Variants in TNFSF4 observed in about 807,000 individuals in gnomAD.
TNFSF4 encodes the protein tumor necrosis factor ligand superfamily member 4.
TNFSF4 carries 4 observed loss-of-function variants against 7.3 expected under a neutral mutation model. The ratio of observed to expected loss-of-function variants is 0.55; its 90% CI spans 0.27 to 1.25. The LOEUF is 1.25. Ranked by LOEUF, TNFSF4 falls within the 50% of genes most tolerant of loss-of-function variation. TNFSF4 has a pLI of 0.12. For missense variants in TNFSF4, 181 were observed against 208.8 expected, an observed-to-expected ratio of 0.87 and a Z score of 0.82; for synonymous variants, 76 against 83.7, an observed-to-expected ratio of 0.91 and a Z score of 0.50.
chr1:173,349,389 C>T, the TNFSF4 span, among the ~76,000 whole-genome samples: 1 of 152,154 alleles, frequency 6.6e-6, no homozygotes, highest in South Asian at 2.1e-4. Context: ...CATCAGAAAT[C>T]CATTGAAGTC....
the TNFSF4 span, among the ~76,000 whole-genome samples, chr1:173,221,108 C>A: frequency 6.6e-6 from 1 of 151,998 alleles, no homozygotes; most frequent in Admixed American, 6.6e-5. Context: ...AGTCTGAAAG[C>A]CTAAGACAAA....
At chr1:173,413,708 C>T in the TNFSF4 span, among the ~76,000 whole-genome samples, 29 of 152,210 alleles carry the variant, frequency 1.9e-4, no homozygotes, top group African/African-American at 6.5e-4. Context: ...GGCCCTTTTG[C>T]CAGCTGGCAG....
chr1:173,383,685 A>AT, the TNFSF4 span, among the ~76,000 whole-genome samples: 394 of 151,040 alleles, frequency 2.6e-3, 5 homozygotes, highest in African/African-American at 8.2e-3. Flanking sequence ...CATACTGTAG[A>AT]TTTTTTTTTT....
At chr1:173,357,884 A>G in the TNFSF4 span, among the ~76,000 whole-genome samples, 1 of 152,184 alleles carries the variant, frequency 6.6e-6, no homozygotes, top group African/African-American at 2.4e-5. Flanking sequence ...AAATAAGAAT[A>G]ACACACACTA....
the TNFSF4 span, among the ~76,000 whole-genome samples, chr1:173,419,158 T>G: frequency 2.0e-5 from 3 of 151,826 alleles, no homozygotes; most frequent in Non-Finnish European, 4.4e-5. Flanking sequence ...GCTAACACGG[T>G]GAAACCCCAT....
At chr1:173,260,414 T>C in the TNFSF4 span, among the ~76,000 whole-genome samples, 1 of 152,094 alleles carries the variant, frequency 6.6e-6, no homozygotes, top group Non-Finnish European at 1.5e-5. Flanking sequence ...CCAATGACAC[T>C]ATGAAAAAAC....
At chr1:173,240,566 A>T in the TNFSF4 span, among the ~76,000 whole-genome samples, 2 of 152,114 alleles carry the variant, frequency 1.3e-5, no homozygotes, top group Non-Finnish European at 2.9e-5. Context: ...TGATCATACA[A>T]TCACACTTTA....
chr1:173,293,497 C>A, the TNFSF4 span, among the ~76,000 whole-genome samples: 242 of 152,152 alleles, frequency 1.6e-3, no homozygotes, highest in African/African-American at 5.3e-3. Flanking sequence ...AAATTTAAGA[C>A]CTGAAACTCT....
At chr1:173,259,454 C>T in the TNFSF4 span, among the ~76,000 whole-genome samples, 42 of 152,272 alleles carry the variant, frequency 2.8e-4, no homozygotes, top group East Asian at 9.7e-4. Context: ...ATGATCACAA[C>T]GCCTCTCCAG....
chr1:173,259,840 T>C, the TNFSF4 span, among the ~76,000 whole-genome samples: 1 of 152,092 alleles, frequency 6.6e-6, no homozygotes, highest in Non-Finnish European at 1.5e-5. Context: ...AACTAGGGGA[T>C]TATGTAAAAA....
chr1:173,388,213 C>A, the TNFSF4 span, among the ~76,000 whole-genome samples: 1 of 152,206 alleles, frequency 6.6e-6, no homozygotes, highest in Non-Finnish European at 1.5e-5. Flanking sequence ...TTATTGACAT[C>A]AAAACTGTGG....
chr1:173,321,373 C>T, the TNFSF4 span, among the ~76,000 whole-genome samples: 2 of 152,090 alleles, frequency 1.3e-5, no homozygotes, highest in Admixed American at 6.6e-5. Context: ...ACCCTAAAAA[C>T]CCTAGAAGAA....
chr1:173,337,744 G>A, the TNFSF4 span, among the ~76,000 whole-genome samples: 4 of 152,302 alleles, frequency 2.6e-5, no homozygotes, highest in East Asian at 7.7e-4. Flanking sequence ...ATTATATATG[G>A]ATTCATGGGT....
At position 173,194,270 on chromosome 1, in the gene TNFSF4, T is replaced by C. The variant is rs544595157; in HGVS notation, c.154-5701A>G. Reference sequence around the variant, plus strand: ...TGGTTAAAAATAACATCAGCAATTATTGAGTACTTGCTATGCAGCAGTTAT... The same window carrying C: ...TGGTTAAAAATAACATCAGCAATTACTGAGTACTTGCTATGCAGCAGTTAT... On this transcript the variant is annotated intron_variant, in intron 1 of 2. Coordinates refer to ENST00000281834, the MANE Select transcript of TNFSF4 (RefSeq NM_003326.5). Among the ~76,000 whole-genome samples, 4 of 152,356 alleles carry C rather than the reference T, an allele frequency of 2.6e-5. No individual in the cohort carries two copies. The South Asian group carries it at 6.2e-4, about 24-fold the overall frequency.
chr1:173,342,687 C>A, the TNFSF4 span, among the ~76,000 whole-genome samples: 2 of 152,310 alleles, frequency 1.3e-5, no homozygotes, highest in South Asian at 4.1e-4. Flanking sequence ...CTCCTACACA[C>A]TAAGGAAGCT....
the TNFSF4 span, among the ~76,000 whole-genome samples, chr1:173,287,914 C>A: frequency 6.6e-6 from 1 of 152,178 alleles, no homozygotes; most frequent in African/African-American, 2.4e-5. Context: ...ACAAAGGAGG[C>A]TTCTGCAGCT....
At chr1:173,291,828 C>T in the TNFSF4 span, among the ~76,000 whole-genome samples, 1 of 151,650 alleles carries the variant, frequency 6.6e-6, no homozygotes, top group East Asian at 1.9e-4. Context: ...TACAAAAGAC[C>T]CCACAGAAAT....
chr1:173,219,249 A>G, the TNFSF4 span, among the ~76,000 whole-genome samples: 1 of 152,192 alleles, frequency 6.6e-6, no homozygotes, highest in Non-Finnish European at 1.5e-5. Flanking sequence ...CATTGGTTAA[A>G]TTCTTTATCA....
At chr1:173,299,086 A>C in the TNFSF4 span, among the ~76,000 whole-genome samples, 1 of 151,928 alleles carries the variant, frequency 6.6e-6, no homozygotes. Flanking sequence ...TCCTTTACCT[A>C]ACAATAATTT....
Sources: gnomAD v4.1 joint callset for allele counts (sites outside exome capture counted in the v4.1 genomes callset) on GRCh38, gnomAD v4.1.1 for gene constraint, MANE v1.5 for transcripts, NCBI Gene and HGNC (gene_info 2026-07-23, HGNC 2026-07-21) for gene names.